Variants in PTPN4 observed in about 807,000 individuals in gnomAD.
The protein encoded by PTPN4 is protein tyrosine phosphatase non-receptor type 4.
Under a neutral mutation model 135.5 loss-of-function variants are expected in PTPN4, and 49 were observed. The ratio of observed to expected loss-of-function variants is 0.36; its 90% confidence interval spans 0.29 to 0.46. The LOEUF (loss-of-function observed/expected upper bound fraction) is 0.46. PTPN4 is among the 20% of genes least tolerant of loss of function. PTPN4 has a pLI of 1.00. For synonymous variants in PTPN4, 333 were observed against 369.9 expected, an observed-to-expected ratio of 0.90 and a Z score of 1.14; for missense variants, 860 against 1,101.0, an observed-to-expected ratio of 0.78 and a Z score of 3.10.
chr2:119,943,325 A>G (rs899971939), intron 15 of PTPN4, among the ~76,000 whole-genome samples: 9 of 152,264 alleles, frequency 5.9e-5, no homozygotes, highest in African/African-American at 2.2e-4. Flanking sequence ...GATGTATCCA[A>G]GGGTCACTCT....
intron 1 of PTPN4, among the ~76,000 whole-genome samples, chr2:119,790,307 TCTC>T (rs1015194019): frequency 1.3e-5 from 2 of 152,174 alleles, no homozygotes; most frequent in East Asian, 3.8e-4. Context: ...AGTATTGAAG[TCTC>T]CTACTATTGT....
rs750240097 is a variant in PTPN4 at position 119,983,058 on chromosome 2, G to A, written c.*5988G>A. The A allele has an allele frequency of 2.6e-5, 4 of 151,928 alleles. No individual in the cohort carries two copies. The highest frequency in any genetic ancestry group is 1.9e-4 in the East Asian group (1 of 5,192). 9.4% of individuals were successfully genotyped at this position (151,928 alleles called of 1,614,324 possible). On this transcript the variant is annotated 3_prime_UTR_variant, in exon 27 of 27. Coordinates refer to ENST00000263708, the MANE Select transcript of PTPN4 (RefSeq NM_002830.4). ...TCATTATTTTTATTTCTCTTTCCAC[G>A]TCTCCAACTTTTTAAAAATCACTAA... is the stretch of plus-strand genomic sequence containing the variant.
chr2:119,905,840 A>G (rs1678479971), intron 10 of PTPN4, among the ~76,000 whole-genome samples: 1 of 152,288 alleles, frequency 6.6e-6, no homozygotes, highest in Middle Eastern at 3.4e-3. Flanking sequence ...CATGGAAATT[A>G]AACAACACTC....
intron 8 of PTPN4, among the ~76,000 whole-genome samples, chr2:119,884,867 G>A (rs1678132723): frequency 6.6e-6 from 1 of 152,044 alleles, no homozygotes; most frequent in South Asian, 2.1e-4. Flanking sequence ...TTTTCTAGTA[G>A]CATTAGTGAA....
Position 119,850,431 on chromosome 2 carries a change from A to G in PTPN4, c.139-12105A>G, listed in dbSNP as rs575438771. ...GTCTTGCCCTGCAGGCTTTGGGTGGAGGAAGGTTGCTTTTGATTCTTTGAC... is the reference window on the plus strand; with the variant it reads ...GTCTTGCCCTGCAGGCTTTGGGTGGGGGAAGGTTGCTTTTGATTCTTTGAC... On this transcript the variant is annotated intron_variant, in intron 2 of 26. Transcript: ENST00000263708. 5.3e-5 allele frequency among the ~76,000 whole-genome samples: 8 copies of G among 152,274 alleles called. No homozygotes were observed. The South Asian group carries it at 1.7e-3, about 32-fold the overall frequency.
At chr2:119,937,957 C>CA (rs75089215) in intron 15 of PTPN4, among the ~76,000 whole-genome samples, 128 of 130,020 alleles carry the variant, frequency 9.8e-4, no homozygotes, top group Middle Eastern at 3.9e-3. Context: ...AAACCAAAAC[C>CA]AAAAAAAAAA....
In PTPN4 at chr2:119,931,415, A is replaced by ATCTT. The variant is rs777440288; in HGVS notation, c.1071-991_1071-988dup. 4.4e-3 allele frequency among the ~76,000 whole-genome samples: 598 copies of ATCTT among 136,392 alleles called. 4 individuals are homozygous for ATCTT. Among genetic ancestry groups the ATCTT allele is most frequent in the Non-Finnish European group, 6.7e-3 (423 of 63,254 alleles). The allele number at this position is 136,392 out of a possible 152,430, so 89.5% of individuals were successfully genotyped here. A position where few individuals can be genotyped will look rare whatever the true frequency, so the allele number is the denominator to read the frequency against. On this transcript the variant is annotated intron_variant, in intron 13 of 26. Coordinates refer to ENST00000263708, the MANE Select transcript of PTPN4 (RefSeq NM_002830.4). ...TTGATCTGAATGAATCAATATGAAG[A>ATCTT]TCTTTCTTTCTTTCTTTCTTTTTTT...
intron 13 of PTPN4, among the ~76,000 whole-genome samples, chr2:119,929,342 G>A (rs1007992033): frequency 6.6e-6 from 1 of 151,924 alleles, no homozygotes; most frequent in Non-Finnish European, 1.5e-5. Context: ...ATAACCTAGA[G>A]TTCTTTTTTT....
chr2:119,768,191 T>A (rs1558719460), intron 1 of PTPN4, among the ~76,000 whole-genome samples: 1 of 152,194 alleles, frequency 6.6e-6, no homozygotes, highest in Non-Finnish European at 1.5e-5. Flanking sequence ...TTGGTCAAAT[T>A]GTCCCAAATT....
intron 26 of PTPN4, among the ~76,000 whole-genome samples, chr2:119,972,249 A>AT (rs1416191075): frequency 2.6e-5 from 4 of 151,764 alleles, no homozygotes; most frequent in Non-Finnish European, 5.9e-5. Context: ...AAGTATTGTC[A>AT]TAATAGTGAT....
intron 1 of PTPN4, among the ~76,000 whole-genome samples, chr2:119,785,237 T>C (rs1372523418): frequency 6.6e-6 from 1 of 152,196 alleles, no homozygotes; most frequent in Non-Finnish European, 1.5e-5. Context: ...TGCTCTACAT[T>C]CGTGTTTCTC....
At chr2:119,850,326 A>G (rs1190562211) in intron 2 of PTPN4, among the ~76,000 whole-genome samples, 2 of 152,270 alleles carry the variant, frequency 1.3e-5, no homozygotes, top group Admixed American at 1.3e-4. Flanking sequence ...CTCTCCCTAC[A>G]TGGAATTTCT....
In PTPN4 at chr2:119,932,460, T is replaced by C; in HGVS notation, c.1107T>C (p.Asp369=). 6.2e-7 allele frequency: 1 copy of C among 1,611,212 alleles called. No homozygotes were observed. The highest frequency in any genetic ancestry group is 8.5e-7 in the Non-Finnish European group (1 of 1,177,884). The change falls in exon 14 of 27, where the codon GAT becomes GAC. Residue 369 remains aspartate, a synonymous_variant. Transcript: ENST00000263708. ...AGCCCTTGGCACGGAAATTAATGGA[T>C]TGGGAAGTAGTAAGCAGAAATTCAA... The part of the protein sequence containing the change: ...PSKPLARKLM[D]WEVVSRNSIS...
chr2:119,794,775 C>G (rs1691221469), intron 1 of PTPN4, among the ~76,000 whole-genome samples: 1 of 152,030 alleles, frequency 6.6e-6, no homozygotes, highest in Admixed American at 6.6e-5. Flanking sequence ...TGTTACAGCT[C>G]TTTTAAGCCT....
At chr2:119,867,750 T>C (rs1046971238) in intron 3 of PTPN4, among the ~76,000 whole-genome samples, 1 of 152,236 alleles carries the variant, frequency 6.6e-6, no homozygotes, top group Non-Finnish European at 1.5e-5. Flanking sequence ...GATAACTAAC[T>C]GATTGTATAT....
chr2:119,869,372 T>C (rs532392838), intron 3 of PTPN4, among the ~76,000 whole-genome samples: 1 of 152,362 alleles, frequency 6.6e-6, no homozygotes, highest in South Asian at 2.1e-4. Flanking sequence ...GCAGTTAACC[T>C]GGCTGGACCC....
chr2:119,881,890 A>G (rs1017222657), intron 6 of PTPN4, 60 bp downstream of exon 6: 2 of 1,322,982 alleles, frequency 1.5e-6, no homozygotes, highest in Admixed American at 2.0e-5. Flanking sequence ...TACTTTTTAA[A>G]TCTGTGTTAA....
At chr2:119,800,441 ATT>A (rs768402085) in intron 1 of PTPN4, among the ~76,000 whole-genome samples, 10 of 123,222 alleles carry the variant, frequency 8.1e-5, no homozygotes, top group Admixed American at 2.4e-4. Flanking sequence ...GGATTATTTG[ATT>A]TTTTTTTTTT....
chr2:119,926,466 A>ATTCTCTGCTTCCTT, intron 12 of PTPN4, 132 bp from the exon 13 acceptor site: 1 of 531,354 alleles, frequency 1.9e-6, no homozygotes, highest in Non-Finnish European at 3.2e-6. Flanking sequence ...CAGTCTTTTT[A>ATTCTCTGCTTCCTT]TTCTCTGCTT....
Sources: gnomAD v4.1 joint callset for allele counts (sites outside exome capture counted in the v4.1 genomes callset) on GRCh38, gnomAD v4.1.1 for gene constraint, MANE v1.5 for transcripts, NCBI Gene and HGNC (gene_info 2026-07-23, HGNC 2026-07-21) for gene names.